Variants in BAZ2B observed in about 807,000 individuals in gnomAD.
BAZ2B encodes bromodomain adjacent to zinc finger domain protein 2B.
BAZ2B carries 91 observed loss-of-function variants against 246.0 expected under a neutral mutation model. The observed-to-expected ratio is 0.37, with a 90% CI of 0.31 to 0.44. The LOEUF (loss-of-function observed/expected upper bound fraction) is 0.44. Among genes scored for constraint, BAZ2B ranks in the 20% least tolerant of loss-of-function variants. BAZ2B has a pLI of 1.00. For missense variants in BAZ2B, 2,332 were observed against 2,533.7 expected, an observed-to-expected ratio of 0.92 and a Z score of 1.71; for synonymous variants, 855 against 860.0, an observed-to-expected ratio of 0.99 and a Z score of 0.10.
At chr2:159,482,819 C>T (rs538880926) in intron 2 of BAZ2B, among the ~76,000 whole-genome samples, 1 of 152,028 alleles carries the variant, frequency 6.6e-6, no homozygotes, top group Non-Finnish European at 1.5e-5. Flanking sequence ...AAGCATAGTA[C>T]ATAAAAATCT....
At chr2:159,342,236 C>A (rs753332349) in intron 31 of BAZ2B, among the ~76,000 whole-genome samples, 1 of 152,102 alleles carries the variant, frequency 6.6e-6, no homozygotes, top group Non-Finnish European at 1.5e-5. Flanking sequence ...ATTAAAATGG[C>A]CATACTGCCC....
rs2149912000 is a variant in BAZ2B, at chr2:159,412,537, C to T, written c.2475G>A (p.Gln825=). 19 of 1,612,780 alleles carry T rather than the reference C, an allele frequency of 1.2e-5. No homozygotes were observed. The highest frequency in any genetic ancestry group is 1.6e-5 in the Non-Finnish European group (19 of 1,179,242). Residue 825 remains glutamine (Q), a synonymous_variant, in exon 14 of 37, where the codon CAG becomes CAA. Coordinates refer to ENST00000392783, the MANE Select transcript of BAZ2B (RefSeq NM_013450.4). ...YEARDGPQGM[Q]WCLLKEEDVI... ...CATCCTCTTCTTTCAAAAGACACCA[C>T]TGCATTCCCTTTTAATTAACATTTT...
chr2:159,571,489 A>C (rs1186816221), intron 1 of BAZ2B, among the ~76,000 whole-genome samples: 1 of 152,120 alleles, frequency 6.6e-6, no homozygotes, highest in Non-Finnish European at 1.5e-5. Flanking sequence ...TGGGGTGGGG[A>C]GAGCTAGACA....
intron 1 of BAZ2B, among the ~76,000 whole-genome samples, chr2:159,604,954 G>A (rs1028069902): frequency 1.1e-4 from 15 of 138,718 alleles, no homozygotes; most frequent in Middle Eastern, 7.3e-3. Context: ...GTGTGTGTGC[G>A]CGTGTGTGCG....
At position 159,412,415 on chromosome 2, in the gene BAZ2B, T is replaced by C. The variant is rs1207198632; in HGVS notation, c.2597A>G (p.Lys866Arg). The change falls in exon 14 of 37, where the codon AAA (lysine) becomes AGA (arginine). Residue 866 changes from lysine to arginine, a missense_variant. By Grantham distance (26) the Lys-to-Arg change is conservative. Around this residue, in one of 9 missense-constraint regions of BAZ2B, gnomAD observed 651 missense variants for 650.9 expected, o/e 1.00. Transcript: ENST00000392783. ...ATTGCCAACATTTGGAGGTCGACCT[T>C]TCCGACGTCTCATCCTGGATTCCTC... ...AREESRMRRRKGRPPNVGNAE... is the reference protein window; with the variant it reads ...AREESRMRRRRGRPPNVGNAE... 1 of 1,614,166 alleles carries C rather than the reference T, an allele frequency of 6.2e-7. No individual in the cohort carries two copies. The highest frequency in any genetic ancestry group is 1.7e-5 in the Admixed American group (1 of 60,024).
intron 36 of BAZ2B, among the ~76,000 whole-genome samples, chr2:159,323,287 T>C (rs2062962814): frequency 6.6e-6 from 1 of 151,876 alleles, no homozygotes; most frequent in Non-Finnish European, 1.5e-5. Context: ...GCCTGGCCCA[T>C]ATGATTTTGT....
chr2:159,681,920 C>G, the BAZ2B span, among the ~76,000 whole-genome samples: 2 of 139,940 alleles, frequency 1.4e-5, no homozygotes, highest in Admixed American at 7.9e-5. Context: ...GACTCCGTCT[C>G]AAAAATAAAA....
At chr2:159,358,698 C>A (rs1293895948) in intron 27 of BAZ2B, among the ~76,000 whole-genome samples, 1 of 152,110 alleles carries the variant, frequency 6.6e-6, no homozygotes, top group Non-Finnish European at 1.5e-5. Context: ...CCAAAATTGA[C>A]CACATAATTG....
At chr2:159,479,391 T>C (rs533454654) in intron 2 of BAZ2B, among the ~76,000 whole-genome samples, 18 of 152,318 alleles carry the variant, frequency 1.2e-4, no homozygotes, top group African/African-American at 4.1e-4. Context: ...CTAATGCTGA[T>C]ATTAAAAATT....
chr2:159,652,519 C>T, the BAZ2B span, among the ~76,000 whole-genome samples: 1 of 151,652 alleles, frequency 6.6e-6, no homozygotes, highest in Non-Finnish European at 1.5e-5. Flanking sequence ...CACTGTCTAT[C>T]ATTTTGATTA....
At chr2:159,594,796 G>T (rs1052824034) in intron 1 of BAZ2B, among the ~76,000 whole-genome samples, 1 of 152,066 alleles carries the variant, frequency 6.6e-6, no homozygotes, top group African/African-American at 2.4e-5. Context: ...CATACCCAGT[G>T]AATTTTTTGT....
intron 34 of BAZ2B, among the ~76,000 whole-genome samples, chr2:159,328,370 C>A (rs2064095316): frequency 6.6e-6 from 1 of 152,122 alleles, no homozygotes. Context: ...ACATATCTTT[C>A]TAGTTTATAT....
chr2:159,323,017 A>G (rs907267782), intron 36 of BAZ2B, among the ~76,000 whole-genome samples: 7 of 147,678 alleles, frequency 4.7e-5, no homozygotes, highest in Non-Finnish European at 1.0e-4. Context: ...TTTTGAGACA[A>G]TCTCACTCTG....
rs771956768 is a variant in BAZ2B at position 159,385,330 on chromosome 2, C to T, written c.3511G>A (p.Val1171Met). The T allele has an allele frequency of 1.9e-6, 3 of 1,612,986 alleles. No homozygotes were observed. In the African/African-American group the frequency reaches 4.0e-5, roughly 22 times the overall value. ...ALGEHLLNVG[V>M]NRDNVSEILQ... ...ATCTCGGAAACATTGTCTCGATTCACACCAACATTCAGCAAATGTTCTCCA... is the reference window on the plus strand; with the variant it reads ...ATCTCGGAAACATTGTCTCGATTCATACCAACATTCAGCAAATGTTCTCCA... Residue 1171 changes from valine (V) to methionine (M), a missense_variant, in exon 23 of 37, where the codon GTG becomes ATG. Around this residue, in one of 9 missense-constraint regions of BAZ2B, gnomAD observed 328 missense variants for 410.4 expected, o/e 0.80. Coordinates refer to ENST00000392783, the MANE Select transcript of BAZ2B (RefSeq NM_013450.4).
intron 3 of BAZ2B, chr2:159,458,679 C>G (rs1486316645): frequency 6.6e-6 from 1 of 152,182 alleles, no homozygotes; most frequent in Non-Finnish European, 1.5e-5. Context: ...TCGTGGAACC[C>G]TCTTGATCCT....
chr2:159,582,063 T>TAGA (rs148909336), intron 1 of BAZ2B, among the ~76,000 whole-genome samples: 9 of 151,936 alleles, frequency 5.9e-5, no homozygotes, highest in Non-Finnish European at 8.8e-5. Context: ...GAACTTAAAG[T>TAGA]ATAAAAAAAA....
At chr2:159,350,397 G>A in intron 27 of BAZ2B, 40 bp from the exon 28 acceptor site, 1 of 1,416,498 alleles carries the variant, frequency 7.1e-7, no homozygotes, top group Non-Finnish European at 9.3e-7. Context: ...AGTTACTCCA[G>A]ATCAAACCAA....
At chr2:159,326,306 A>G (rs2063704749) in intron 34 of BAZ2B, among the ~76,000 whole-genome samples, 1 of 152,172 alleles carries the variant, frequency 6.6e-6, no homozygotes, top group African/African-American at 2.4e-5. Flanking sequence ...AAATATAGAG[A>G]TTGTTAATAA....
intron 2 of BAZ2B, among the ~76,000 whole-genome samples, chr2:159,527,310 TTTACTA>T (rs1245095710): frequency 6.6e-6 from 1 of 152,172 alleles, no homozygotes; most frequent in Non-Finnish European, 1.5e-5. Flanking sequence ...TGTTTGCCTT[TTTACTA>T]TTGAGTTTTT....
Sources: gnomAD v4.1 joint callset for allele counts (sites outside exome capture counted in the v4.1 genomes callset) on GRCh38, gnomAD v4.1.1 for gene constraint, gnomAD v4.1.1 regional missense constraint, MANE v1.5 for transcripts, NCBI Gene and HGNC (gene_info 2026-07-23, HGNC 2026-07-21) for gene names.